Variants in YIPF4 observed in about 807,000 individuals in gnomAD.
The protein encoded by YIPF4 is Yip1 domain family member 4.
A neutral mutation model predicts 29.4 loss-of-function variants in YIPF4; 18 were observed. The observed-to-expected ratio is 0.61, with a 90% CI of 0.42 to 0.91. YIPF4 has a LOEUF of 0.91. Ranked by LOEUF, YIPF4 falls within the 40% of genes least tolerant of loss-of-function variation. YIPF4 has a pLI of 0.00. For synonymous variants in YIPF4, 115 were observed against 104.7 expected, an observed-to-expected ratio of 1.10 and a Z score of -0.60; for missense variants, 279 against 282.7, an observed-to-expected ratio of 0.99 and a Z score of 0.09.
At chr2:32,302,147 C>T (rs2031428236) in intron 5 of YIPF4, among the ~76,000 whole-genome samples, 1 of 151,334 alleles carries the variant, frequency 6.6e-6, no homozygotes, top group African/African-American at 2.4e-5. Flanking sequence ...TCTTCTGCTT[C>T]AGCCTCTCAT....
At chr2:32,290,293 A>G (rs1438767366) in intron 1 of YIPF4, among the ~76,000 whole-genome samples, 190 bp from the exon 2 acceptor site, 2 of 152,166 alleles carry the variant, frequency 1.3e-5, no homozygotes, top group Admixed American at 1.3e-4. Flanking sequence ...TTCATCTTTC[A>G]TTTTATTCTT....
intron 3 of YIPF4, among the ~76,000 whole-genome samples, chr2:32,297,175 A>G (rs1432681612): frequency 6.6e-6 from 1 of 150,806 alleles, no homozygotes; most frequent in Non-Finnish European, 1.5e-5. Flanking sequence ...CTCAGGCTGG[A>G]GTGCAATGGC....
Position 32,307,186 on chromosome 2 carries a change from C to G in YIPF4, c.*1560C>G, listed in dbSNP as rs2031606825. 4.0e-6 allele frequency: 5 copies of G among 1,242,790 alleles called. No individual in the cohort carries two copies. The highest frequency in any genetic ancestry group is 5.3e-6 in the Non-Finnish European group (5 of 950,258). The allele number at this position is 1,242,790 out of a possible 1,614,324, so 77.0% of individuals were successfully genotyped here. ...GAAATATCTATGCCTACAGAAGCAGCAACCGTAAGATAAACATTTGTTACA... is the reference window on the plus strand; with the variant it reads ...GAAATATCTATGCCTACAGAAGCAGGAACCGTAAGATAAACATTTGTTACA... On this transcript the variant is annotated 3_prime_UTR_variant, in exon 6 of 6. Coordinates refer to ENST00000238831, the MANE Select transcript of YIPF4 (RefSeq NM_032312.4).
At chr2:32,287,368 C>G (rs903132919) in intron 1 of YIPF4, among the ~76,000 whole-genome samples, 1 of 152,132 alleles carries the variant, frequency 6.6e-6, no homozygotes, top group African/African-American at 2.4e-5. Flanking sequence ...CATACTGAAG[C>G]ACACATAGAC....
In YIPF4 at chr2:32,305,975, A is replaced by ATCT; in HGVS notation, c.*351_*353dup. ...TCACTTAAAGGGTAAATTTGACAAT[A>ATCT]TCTTGATAATCAAAAGTGCAATTTT... On this transcript the variant is annotated 3_prime_UTR_variant, in exon 6 of 6. Coordinates refer to ENST00000238831, the MANE Select transcript of YIPF4 (RefSeq NM_032312.4). 1 of 988,430 alleles carries ATCT rather than the reference A, an allele frequency of 1.0e-6. No homozygotes were observed. Among genetic ancestry groups the ATCT allele is most frequent in the Non-Finnish European group, 1.2e-6 (1 of 831,828 alleles). 61.2% of individuals were successfully genotyped at this position (988,430 alleles called of 1,614,324 possible).
At chr2:32,304,689 A>G (rs2031517852) in intron 5 of YIPF4, among the ~76,000 whole-genome samples, 1 of 152,210 alleles carries the variant, frequency 6.6e-6, no homozygotes, top group African/African-American at 2.4e-5. Context: ...TAAAACGTCA[A>G]TATTGCAAGG....
chr2:32,286,345 C>G (rs906723730), intron 1 of YIPF4, among the ~76,000 whole-genome samples: 1 of 151,944 alleles, frequency 6.6e-6, no homozygotes, highest in African/African-American at 2.4e-5. Context: ...TTCTATGAAT[C>G]TATAATTTTT....
Position 32,305,618 on chromosome 2 carries a change from G to GGT in YIPF4, c.733_734dup (p.Ter245CysfsTer7), listed in dbSNP as rs568011196. On this transcript the variant is annotated frameshift_variant, in exon 6 of 6. Coordinates refer to ENST00000238831, the MANE Select transcript of YIPF4 (RefSeq NM_032312.4). LOFTEE classifies it high-confidence loss of function. The stretch of plus-strand genomic sequence containing the variant: ...CATTTATTTTTTGTCGTTATATACT[G>GGT]GTGTGTGATCCAAGTTATACATGAA... The GGT allele has an allele frequency of 6.3e-6, 10 of 1,590,418 alleles. No homozygotes were observed. The Admixed American group carries it at 1.8e-4, about 28-fold the overall frequency.
intron 1 of YIPF4, among the ~76,000 whole-genome samples, chr2:32,289,918 T>C (rs1034483475): frequency 2.0e-5 from 3 of 152,142 alleles, no homozygotes; most frequent in Admixed American, 6.6e-5. Context: ...ATCAGACTTA[T>C]CAAGAATTAA....
At chr2:32,292,718 T>C (rs571013075) in intron 3 of YIPF4, among the ~76,000 whole-genome samples, 1 of 151,492 alleles carries the variant, frequency 6.6e-6, no homozygotes, top group South Asian at 2.1e-4. Flanking sequence ...AAAAAAAGTA[T>C]CTGGGTGTGG....
In YIPF4 at chr2:32,315,938, G is replaced by A. The variant is rs2031820717; in HGVS notation, c.*10312G>A. The A allele has an allele frequency of 6.6e-6, 1 of 151,292 alleles. No individual in the cohort carries two copies. Among genetic ancestry groups the A allele is most frequent in the Admixed American group, 6.6e-5 (1 of 15,146 alleles). 9.4% of individuals were successfully genotyped at this position (151,292 alleles called of 1,614,324 possible). On this transcript the variant is annotated 3_prime_UTR_variant, in exon 6 of 6. Coordinates refer to ENST00000238831, the MANE Select transcript of YIPF4 (RefSeq NM_032312.4). ...CTCATGCCTGTAATCCCAGCTCTCA[G>A]GGAGGCAAGAGGCAGGAGCATAGCT...
chr2:32,307,052 T>G lies in YIPF4; in HGVS notation c.*1426T>G, dbSNP rs888096869. 57 of 1,196,810 alleles carry G rather than the reference T, an allele frequency of 4.8e-5. No homozygotes were observed. Among genetic ancestry groups the G allele is most frequent in the Non-Finnish European group, 6.0e-5 (55 of 917,716 alleles). The allele number at this position is 1,196,810 out of a possible 1,614,324, so 74.1% of individuals were successfully genotyped here. On this transcript the variant is annotated 3_prime_UTR_variant, in exon 6 of 6. Coordinates refer to ENST00000238831, the MANE Select transcript of YIPF4 (RefSeq NM_032312.4). ...AGCTGCAGAAAAAGTGTGGAGCACT[T>G]TTGAGCTAGAATAATGTAGAAAATT... is the stretch of plus-strand genomic sequence containing the variant.
chr2:32,296,948 T>C (rs1355749829), intron 3 of YIPF4, among the ~76,000 whole-genome samples: 1 of 152,188 alleles, frequency 6.6e-6, no homozygotes, highest in Non-Finnish European at 1.5e-5. Context: ...TGTCATAATT[T>C]ATTTCATCGC....
At chr2:32,298,114 T>A in intron 3 of YIPF4, 120 bp from the exon 4 acceptor site, 1 of 681,608 alleles carries the variant, frequency 1.5e-6, no homozygotes, top group Non-Finnish European at 2.5e-6. Context: ...GCCCACATAA[T>A]CTCTCTATGA....
At chr2:32,287,676 G>GA (rs1227312218) in intron 1 of YIPF4, among the ~76,000 whole-genome samples, 6 of 152,186 alleles carry the variant, frequency 3.9e-5, no homozygotes, top group Non-Finnish European at 8.8e-5. Flanking sequence ...CATTTGAGTT[G>GA]AAAGGGAAGA....
At chr2:32,296,048 G>A (rs116375888) in intron 3 of YIPF4, among the ~76,000 whole-genome samples, 2 of 152,328 alleles carry the variant, frequency 1.3e-5, no homozygotes, top group East Asian at 1.9e-4. Context: ...TATATCAGAT[G>A]TTATGTTAAA....
At chr2:32,293,918 C>T (rs1316680488) in intron 3 of YIPF4, among the ~76,000 whole-genome samples, 9 of 139,256 alleles carry the variant, frequency 6.5e-5, no homozygotes, top group East Asian at 2.3e-4. Flanking sequence ...CCCTCCCGGA[C>T]GGGGCGGCTG....
chr2:32,278,191 C>A lies in YIPF4; in HGVS notation c.36C>A (p.Pro12=), dbSNP rs564046880. The A allele has an allele frequency of 3.2e-6, 5 of 1,574,220 alleles. No individual in the cohort carries two copies. The South Asian group carries it at 3.5e-5, about 11-fold the overall frequency. ...QPPGPPPAYA[P]TNGDFTFVSS... ...CGGGCCCGCCCCCGGCCTATGCCCC[C>A]ACTAACGGGGACTTCACCTTTGTCT... Residue 12 remains proline, a synonymous_variant, in exon 1 of 6, where the codon CCC becomes CCA. Transcript: ENST00000238831.
chr2:32,298,611 AG>A (rs2031280760), intron 4 of YIPF4, among the ~76,000 whole-genome samples: 1 of 152,126 alleles, frequency 6.6e-6, no homozygotes, highest in Admixed American at 6.6e-5. Context: ...ATCCTGCTGC[AG>A]TGCAGTGGGG....
Sources: allele counts gnomAD v4.1 joint callset (sites outside exome capture counted in the v4.1 genomes callset), GRCh38; gene constraint gnomAD v4.1.1; transcripts MANE v1.5; gene names NCBI Gene and HGNC (gene_info 2026-07-23, HGNC 2026-07-21).